Variants in NRG1 observed in about 807,000 individuals in gnomAD.
NRG1 encodes the protein pro-neuregulin-1, membrane-bound isoform.
NRG1 carries 18 observed loss-of-function variants against 63.8 expected under a neutral mutation model. The ratio of observed to expected loss-of-function variants is 0.28; its 90% CI spans 0.19 to 0.42. NRG1 has a LOEUF of 0.42. NRG1 is among the 10% of genes least tolerant of loss of function. NRG1 has a pLI of 1.00. For missense variants in NRG1, 762 were observed against 814.7 expected (o/e 0.94, Z 0.79); for synonymous variants, 302 against 301.3 (o/e 1.00, Z -0.02).
chr8:32,280,913 T>C (rs558685401), intron 1 of NRG1, among the ~76,000 whole-genome samples: 90 of 150,068 alleles, frequency 6.0e-4, no homozygotes, highest in African/African-American at 2.0e-3. Context: ...GTGCCCACCA[T>C]GATGCTCAGC....
At chr8:31,840,959 C>T (rs1022729114) in intron 1 of NRG1, among the ~76,000 whole-genome samples, 4 of 152,072 alleles carry the variant, frequency 2.6e-5, no homozygotes, top group Non-Finnish European at 5.9e-5. Context: ...ATTCATATTG[C>T]CATGTGTGTT....
intron 1 of NRG1, among the ~76,000 whole-genome samples, chr8:32,283,398 G>C (rs1383982092): frequency 6.6e-6 from 1 of 152,126 alleles, no homozygotes; most frequent in Non-Finnish European, 1.5e-5. Flanking sequence ...CACACCACTT[G>C]TCACCTGGGG....
At chr8:32,509,075 CTATTTTATTTTATTTTATTTTA>C (rs1196001952) in intron 1 of NRG1, among the ~76,000 whole-genome samples, 17 of 149,556 alleles carry the variant, frequency 1.1e-4, no homozygotes, top group African/African-American at 3.7e-4. Flanking sequence ...TTTTCTTTTC[CTATTTTATTTTATTTTATTTTA>C]TATTTTATTT....
At chr8:32,009,316 G>T (rs572095608) in intron 1 of NRG1, among the ~76,000 whole-genome samples, 10 of 151,968 alleles carry the variant, frequency 6.6e-5, no homozygotes, top group African/African-American at 2.2e-4. Flanking sequence ...TGATTTTAAG[G>T]TATATTCCAT....
intron 1 of NRG1, among the ~76,000 whole-genome samples, chr8:32,473,457 CAA>C (rs1491317201): frequency 6.6e-6 from 1 of 152,080 alleles, no homozygotes; most frequent in African/African-American, 2.4e-5. Flanking sequence ...ATCAGAACTC[CAA>C]AGTCATAATC....
exon 12 of NRG1, chr8:32,764,252 A>G (rs760769022): frequency 3.1e-6 from 5 of 1,614,146 alleles, no homozygotes; most frequent in South Asian, 1.1e-5. Flanking sequence ...TCCTGGGCAT[A>G]CAGAACCCCC....
At chr8:31,898,442 A>G (rs1361718765) in intron 1 of NRG1, among the ~76,000 whole-genome samples, 1 of 152,214 alleles carries the variant, frequency 6.6e-6, no homozygotes, top group Non-Finnish European at 1.5e-5. Flanking sequence ...CAAAAAGACT[A>G]AGTATTTTGT....
intron 1 of NRG1, among the ~76,000 whole-genome samples, chr8:32,150,088 C>T (rs1795807621): frequency 6.6e-6 from 1 of 152,116 alleles, no homozygotes; most frequent in Non-Finnish European, 1.5e-5. Flanking sequence ...CCTGATGTGT[C>T]CTATATGAGT....
rs186286471 is a variant in NRG1, at chr8:32,020,409, C to T, written c.37+380978C>T. Reference sequence around the variant, plus strand: ...TTGTTTCTTTAGTATTGTTTATGACCATGTTATGTGTAAATAATGATAGTT... The same window carrying T: ...TTGTTTCTTTAGTATTGTTTATGACTATGTTATGTGTAAATAATGATAGTT... On this transcript the variant is annotated intron_variant, in intron 1 of 10. Transcript: ENST00000519301. 2.1e-3 allele frequency among the ~76,000 whole-genome samples: 326 copies of T among 152,116 alleles called. 1 individual carries two copies. Among genetic ancestry groups the T allele is most frequent in the African/African-American group, 7.5e-3 (310 of 41,504 alleles).
chr8:32,550,444 CTGTT>C (rs1833901200), intron 1 of NRG1, among the ~76,000 whole-genome samples: 1 of 152,128 alleles, frequency 6.6e-6, no homozygotes, highest in African/African-American at 2.4e-5. Flanking sequence ...GCTCTTATCA[CTGTT>C]TGTGGTTGTG....
intron 1 of NRG1, among the ~76,000 whole-genome samples, chr8:31,727,408 C>T (rs570829090): frequency 3.1e-4 from 47 of 152,226 alleles, no homozygotes; most frequent in Non-Finnish European, 3.2e-4. Context: ...AATTTCTCAT[C>T]GTTCTGTGAT....
intron 1 of NRG1, among the ~76,000 whole-genome samples, chr8:31,838,154 A>G (rs1825858832): frequency 6.6e-6 from 1 of 152,042 alleles, no homozygotes; most frequent in Non-Finnish European, 1.5e-5. Flanking sequence ...ATATATTTGG[A>G]ATTTATTCTA....
intron 1 of NRG1, among the ~76,000 whole-genome samples, chr8:31,876,208 T>G (rs1328353180): frequency 6.6e-6 from 1 of 152,228 alleles, no homozygotes; most frequent in Non-Finnish European, 1.5e-5. Flanking sequence ...AAAATGAGCC[T>G]AAGTTAGGAT....
At chr8:32,399,488 T>C (rs1162738762) in intron 1 of NRG1, among the ~76,000 whole-genome samples, 1 of 152,186 alleles carries the variant, frequency 6.6e-6, no homozygotes, top group Non-Finnish European at 1.5e-5. Flanking sequence ...GCAGATCACC[T>C]GAGGTCAGGA....
chr8:32,552,361 C>A (rs1333323963), intron 1 of NRG1, among the ~76,000 whole-genome samples: 1 of 152,032 alleles, frequency 6.6e-6, no homozygotes, highest in Non-Finnish European at 1.5e-5. Flanking sequence ...GGGAAAAATT[C>A]ACTATCATGC....
At chr8:31,905,603 G>C (rs1055174107) in intron 1 of NRG1, among the ~76,000 whole-genome samples, 9 of 152,124 alleles carry the variant, frequency 5.9e-5, no homozygotes, top group African/African-American at 2.2e-4. Context: ...GTCTCAGTAG[G>C]CTGCATTATA....
chr8:31,890,327 C>T (rs530266091), intron 1 of NRG1, among the ~76,000 whole-genome samples: 236 of 151,984 alleles, frequency 1.6e-3, no homozygotes, highest in African/African-American at 5.2e-3. Flanking sequence ...TTTTCTGATA[C>T]GGAAAATGAA....
At chr8:32,749,572 A>G in intron 7 of NRG1, 1 of 1,613,734 alleles carries the variant, frequency 6.2e-7, no homozygotes, top group Non-Finnish European at 8.5e-7. Flanking sequence ...GCATCTTGGG[A>G]TTGAATTTAT....
chr8:32,463,016 AT>A lies in NRG1; in HGVS notation c.38-132797del, dbSNP rs879910201. ...TCTACTCTCTGTTTCTATGTATTTG[AT>A]TTTTTTTTTTTTTTAAGATTCTACA... On this transcript the variant is annotated intron_variant, in intron 1 of 10. Coordinates refer to the NRG1 transcript ENST00000519301. 4.5e-3 allele frequency among the ~76,000 whole-genome samples: 612 copies of A among 136,600 alleles called. 1 individual carries two copies. Among genetic ancestry groups the A allele is most frequent in the Middle Eastern group, 7.8e-3 (2 of 258 alleles). The allele number at this position is 136,600 out of a possible 152,430, so 89.6% of individuals were successfully genotyped here.
Sources: allele counts gnomAD v4.1 joint callset (sites outside exome capture counted in the v4.1 genomes callset), GRCh38; gene constraint gnomAD v4.1.1; transcripts MANE v1.5; gene names NCBI Gene and HGNC (gene_info 2026-07-23, HGNC 2026-07-21).